The following CGGBP1 variants were observed in gnomAD, a reference collection of about 807,000 sequenced individuals.
CGGBP1 encodes CGG triplet repeat binding protein 1.
A neutral mutation model predicts 11.4 loss-of-function variants in CGGBP1; 4 were observed. That is an observed-to-expected ratio of 0.35 (90% CI 0.17 to 0.80). CGGBP1 has a LOEUF of 0.80. CGGBP1 is among the 30% of genes least tolerant of loss of function. CGGBP1 has a pLI of 0.52. For missense variants in CGGBP1, 135 were observed against 202.1 expected (o/e 0.67, Z 2.01); for synonymous variants, 76 against 74.1 (o/e 1.03, Z -0.13).
chr3:88,061,957 T>C (rs1417379605), upstream of CGGBP1, among the ~76,000 whole-genome samples: 1 of 152,140 alleles, frequency 6.6e-6, no homozygotes, highest in Non-Finnish European at 1.5e-5. Context: ...GAGGGAAATA[T>C]GAATCAAAAT....
At chr3:88,123,323 G>A (rs925327988) in intron 2 of CGGBP1, among the ~76,000 whole-genome samples, 9 of 152,016 alleles carry the variant, frequency 5.9e-5, no homozygotes, top group African/African-American at 2.2e-4. Context: ...TTTGACCCAC[G>A]AAGTGTACAT....
intron 2 of CGGBP1, among the ~76,000 whole-genome samples, chr3:88,123,019 AAAAAAAAGTAAAAAG>A (rs1165996313): frequency 6.6e-6 from 1 of 151,686 alleles, no homozygotes; most frequent in Non-Finnish European, 1.5e-5. Flanking sequence ...CTCAAAAAAA[AAAAAAAAGTAAAAAG>A]AAAAAAAGAA....
chr3:88,145,672 T>G (rs1407193257), intron 1 of CGGBP1, among the ~76,000 whole-genome samples: 1 of 152,172 alleles, frequency 6.6e-6, no homozygotes, highest in Non-Finnish European at 1.5e-5. Context: ...CAGGGACAGA[T>G]GTTTTAACTA....
chr3:88,108,454 T>G (rs1409218601), intron 2 of CGGBP1, among the ~76,000 whole-genome samples: 2 of 152,208 alleles, frequency 1.3e-5, no homozygotes, highest in East Asian at 3.8e-4. Context: ...CATCTGTGGA[T>G]TCACTTTCTG....
chr3:88,058,915 C>T lies in CGGBP1; in HGVS notation c.-431G>A, dbSNP rs1034200453. On this transcript the variant is annotated 5_prime_UTR_variant, in exon 1 of 4. Coordinates refer to ENST00000482016, the MANE Select transcript of CGGBP1 (RefSeq NM_001008390.2). The stretch of plus-strand genomic sequence containing the variant: ...CAAGGGAATAAGGGAGGAGGAGGAT[C>T]CGTCGCTGCCGCCGTCGCCGCCGTT... The T allele has an allele frequency of 3.2e-5, 6 of 187,044 alleles. No homozygotes were observed. Among genetic ancestry groups the T allele is most frequent in the Admixed American group, 1.2e-4 (2 of 16,368 alleles). The allele number at this position is 187,044 out of a possible 1,614,324, so 11.6% of individuals were successfully genotyped here.
upstream of CGGBP1, chr3:88,059,588 G>A: frequency 7.0e-7 from 1 of 1,433,376 alleles, no homozygotes; most frequent in Non-Finnish European, 9.1e-7. Context: ...CCATGAATCT[G>A]GTCTATGTCC....
intron 2 of CGGBP1, among the ~76,000 whole-genome samples, chr3:88,065,118 TTTTA>T (rs1461095120): frequency 3.3e-5 from 5 of 152,268 alleles, no homozygotes; most frequent in South Asian, 2.1e-4. Flanking sequence ...AATTTTAGCT[TTTTA>T]AAAAGTTTTC....
At chr3:88,095,406 T>C in intron 2 of CGGBP1, 1 of 340,318 alleles carries the variant, frequency 2.9e-6, no homozygotes, top group South Asian at 2.5e-5. Context: ...GATCACCCCC[T>C]TTTAGCCCTT....
chr3:88,113,080 A>G (rs1180863714), intron 2 of CGGBP1: 2 of 1,368,144 alleles, frequency 1.5e-6, no homozygotes, highest in East Asian at 5.0e-5. Flanking sequence ...CAAAACTCAA[A>G]GAAGCAATGA....
chr3:88,071,081 G>A (rs1439920677), intron 2 of CGGBP1, among the ~76,000 whole-genome samples: 1 of 152,172 alleles, frequency 6.6e-6, no homozygotes, highest in African/African-American at 2.4e-5. Flanking sequence ...ATATCATCCT[G>A]TCATCCTGTG....
At chr3:88,133,466 G>T (rs150075451) in intron 2 of CGGBP1, among the ~76,000 whole-genome samples, 2 of 152,194 alleles carry the variant, frequency 1.3e-5, no homozygotes, top group Non-Finnish European at 2.9e-5. Context: ...TCAGTAAGAG[G>T]GATCTTTTCT....
upstream of CGGBP1, among the ~76,000 whole-genome samples, chr3:88,061,831 A>T (rs1706902598): frequency 6.6e-6 from 1 of 152,194 alleles, no homozygotes; most frequent in Non-Finnish European, 1.5e-5. Flanking sequence ...CTTAATCGTG[A>T]GTAATGCAAT....
chr3:88,121,328 T>G (rs1705757318), intron 2 of CGGBP1, among the ~76,000 whole-genome samples: 1 of 152,152 alleles, frequency 6.6e-6, no homozygotes, highest in African/African-American at 2.4e-5. Context: ...AGAAAATTCT[T>G]AAGTTTTTTA....
At chr3:88,099,361 T>G (rs1704261429) in intron 2 of CGGBP1, among the ~76,000 whole-genome samples, 1 of 152,210 alleles carries the variant, frequency 6.6e-6, no homozygotes, top group Non-Finnish European at 1.5e-5. Context: ...TCCATGCTCA[T>G]GGATAGGAAG....
chr3:88,118,331 G>A (rs746446354), intron 2 of CGGBP1, among the ~76,000 whole-genome samples: 62 of 152,184 alleles, frequency 4.1e-4, no homozygotes, highest in Non-Finnish European at 7.9e-4. Context: ...TCCCAAGCAG[G>A]AGGCTCAACG....
At chr3:88,113,649 A>G (rs779696698) in intron 2 of CGGBP1, among the ~76,000 whole-genome samples, 3 of 152,118 alleles carry the variant, frequency 2.0e-5, no homozygotes, top group Non-Finnish European at 2.9e-5. Flanking sequence ...TCAGATGGGA[A>G]TGACAAAAGA....
chr3:88,122,684 AATTT>A (rs2107805190), intron 2 of CGGBP1, among the ~76,000 whole-genome samples: 1 of 152,282 alleles, frequency 6.6e-6, no homozygotes, highest in East Asian at 1.9e-4. Flanking sequence ...ATAGAGGCAC[AATTT>A]ATTATTTAAG....
At chr3:88,095,156 A>C (rs1344851896) in intron 2 of CGGBP1, among the ~76,000 whole-genome samples, 2 of 152,158 alleles carry the variant, frequency 1.3e-5, no homozygotes, top group Non-Finnish European at 2.9e-5. Flanking sequence ...TTTATAAGAA[A>C]AAATTTGCTC....
chr3:88,064,608 C>T (rs374619272), intron 2 of CGGBP1, among the ~76,000 whole-genome samples: 4 of 152,246 alleles, frequency 2.6e-5, no homozygotes, highest in East Asian at 3.9e-4. Context: ...TGAGCTTGTT[C>T]CCAAACTCCC....
Sources: allele counts gnomAD v4.1 joint callset (sites outside exome capture counted in the v4.1 genomes callset), GRCh38; gene constraint gnomAD v4.1.1; transcripts MANE v1.5; gene names NCBI Gene and HGNC (gene_info 2026-07-23, HGNC 2026-07-21).